CSMD1: variants seen among roughly 807,000 people sequenced by gnomAD.
CSMD1 encodes the protein CUB and sushi domain-containing protein 1.
A neutral mutation model predicts 417.5 loss-of-function variants in CSMD1; 213 were observed. That is an observed-to-expected ratio of 0.51 (90% CI 0.46 to 0.57). The LOEUF is 0.57. Among genes scored for constraint, CSMD1 ranks in the 20% least tolerant of loss-of-function variants. The pLI, the probability that CSMD1 is intolerant of heterozygous loss-of-function variation, is 0.00. For synonymous variants in CSMD1, 2,862 were observed against 1,736.8 expected (o/e 1.65, Z -16.11); for missense variants, 6,923 against 4,529.7 (o/e 1.53, Z -15.17).
intron 5 of CSMD1, among the ~76,000 whole-genome samples, chr8:3,783,064 G>C (rs553986091): frequency 1.2e-4 from 18 of 152,232 alleles, no homozygotes; most frequent in Admixed American, 1.1e-3. Flanking sequence ...ACTGTTGAAA[G>C]CAAGTCCCCA....
chr8:3,774,558 G>A (rs557680694), intron 5 of CSMD1, among the ~76,000 whole-genome samples: 5 of 152,092 alleles, frequency 3.3e-5, no homozygotes, highest in Admixed American at 6.6e-5. Context: ...CTCCTTAGTG[G>A]ACAGAACGTC....
At chr8:3,831,611 T>C (rs1199580299) in intron 5 of CSMD1, among the ~76,000 whole-genome samples, 3 of 152,202 alleles carry the variant, frequency 2.0e-5, no homozygotes, top group African/African-American at 7.2e-5. Context: ...ATATTATAGC[T>C]TTTCATTGCA....
rs894458281 is a variant in CSMD1, at chr8:4,718,492, A to C, written c.86-80934T>G. Among the ~76,000 whole-genome samples, 84 of 152,104 alleles carry C rather than the reference A, an allele frequency of 5.5e-4. 1 individual carries two copies. The highest frequency in any genetic ancestry group is 2.9e-4 in the Non-Finnish European group (20 of 68,012). On this transcript the variant is annotated intron_variant, in intron 1 of 69. Transcript: ENST00000635120. Reference sequence around the variant, plus strand: ...TGAAGACAGGAACTAGAAAAGAATAACTAATATTCCCGCTGTCAATTAATA... The same window carrying C: ...TGAAGACAGGAACTAGAAAAGAATACCTAATATTCCCGCTGTCAATTAATA...
chr8:3,898,417 G>T (rs1455343232), intron 5 of CSMD1, among the ~76,000 whole-genome samples: 1 of 152,200 alleles, frequency 6.6e-6, no homozygotes, highest in Non-Finnish European at 1.5e-5. Flanking sequence ...CCATTATAAA[G>T]TGTTAAAGTT....
chr8:4,150,638 C>A (rs1440447475), intron 3 of CSMD1, among the ~76,000 whole-genome samples: 1 of 152,196 alleles, frequency 6.6e-6, no homozygotes, highest in Non-Finnish European at 1.5e-5. Flanking sequence ...TTCCAATATT[C>A]TTCCAGTTTT....
intron 6 of CSMD1, among the ~76,000 whole-genome samples, chr8:3,746,950 G>C (rs1438884439): frequency 6.6e-6 from 1 of 152,212 alleles, no homozygotes; most frequent in African/African-American, 2.4e-5. Flanking sequence ...GAACAGGCCA[G>C]TCTGAGAAAT....
intron 3 of CSMD1, among the ~76,000 whole-genome samples, chr8:4,143,393 AG>A (rs1803913620): frequency 6.8e-6 from 1 of 145,986 alleles, no homozygotes; most frequent in Non-Finnish European, 1.5e-5. Context: ...TTTTTGCTAC[AG>A]ACTAAGTTAA....
intron 7 of CSMD1, among the ~76,000 whole-genome samples, chr8:3,630,870 G>C (rs79651736): frequency 0.019 from 2,882 of 152,260 alleles, 47 homozygotes; most frequent in South Asian, 0.054. Context: ...ACCTCAGTTG[G>C]TCTGTTGGTT....
intron 4 of CSMD1, among the ~76,000 whole-genome samples, chr8:4,005,391 C>T (rs1254824137): frequency 6.6e-6 from 1 of 152,150 alleles, no homozygotes; most frequent in African/African-American, 2.4e-5. Flanking sequence ...ACACACGTGG[C>T]CGGGTGGTCA....
chr8:4,442,556 A>G (rs991558779), intron 2 of CSMD1, among the ~76,000 whole-genome samples: 2 of 152,262 alleles, frequency 1.3e-5, no homozygotes, highest in African/African-American at 2.4e-5. Flanking sequence ...ATATGCAACT[A>G]AAGAGATTTT....
intron 3 of CSMD1, among the ~76,000 whole-genome samples, chr8:4,101,435 G>A (rs553746110): frequency 6.6e-6 from 1 of 152,148 alleles, no homozygotes; most frequent in Non-Finnish European, 1.5e-5. Flanking sequence ...TGGCTGCACA[G>A]TTACCCTTGT....
intron 2 of CSMD1, among the ~76,000 whole-genome samples, chr8:4,426,452 G>A (rs1042138162): frequency 5.4e-5 from 8 of 147,566 alleles, no homozygotes; most frequent in Non-Finnish European, 1.2e-4. Flanking sequence ...AGCATATATA[G>A]TAAACATACA....
chr8:4,130,907 T>C (rs189667539), intron 3 of CSMD1, among the ~76,000 whole-genome samples: 570 of 151,912 alleles, frequency 3.8e-3, no homozygotes, highest in African/African-American at 0.013. Flanking sequence ...ATGCATTGGA[T>C]GGACGGATTA....
At chr8:4,618,325 G>C (rs944551366) in intron 2 of CSMD1, among the ~76,000 whole-genome samples, 1 of 151,938 alleles carries the variant, frequency 6.6e-6, no homozygotes, top group Admixed American at 6.6e-5. Context: ...AATCCAGGAA[G>C]CCCAGCTTTG....
At chr8:4,824,712 C>A (rs559900513) in intron 1 of CSMD1, among the ~76,000 whole-genome samples, 2 of 152,244 alleles carry the variant, frequency 1.3e-5, no homozygotes, top group Non-Finnish European at 2.9e-5. Flanking sequence ...TAACTGCTGA[C>A]ATCATGGAAT....
At chr8:3,207,148 T>A (rs1189356794) in intron 30 of CSMD1, among the ~76,000 whole-genome samples, 1 of 105,134 alleles carries the variant, frequency 9.5e-6, no homozygotes, top group African/African-American at 3.8e-5. Flanking sequence ...TTTTTTTCAT[T>A]TTCTTTTTTT....
chr8:4,017,099 G>GTTCA (rs1563322399), intron 4 of CSMD1, among the ~76,000 whole-genome samples: 1 of 152,198 alleles, frequency 6.6e-6, no homozygotes, highest in East Asian at 1.9e-4. Context: ...TGACCGCGGT[G>GTTCA]TTCAGCCAGC....
Position 3,985,628 on chromosome 8 carries a change from G to A in CSMD1, c.818+12275C>T, listed in dbSNP as rs140184772. Among the ~76,000 whole-genome samples the A allele has an allele frequency of 3.7e-4, 57 of 152,254 alleles. No homozygotes were observed. In the East Asian group the frequency reaches 0.01, roughly 27 times the overall value. ...TCTAGTACAGGAAGATCCTTGCACG[G>A]CAGAACCGTTGCACTCACAGAAGCT... On this transcript the variant is annotated intron_variant, in intron 5 of 69. Transcript: ENST00000635120.
intron 21 of CSMD1, among the ~76,000 whole-genome samples, chr8:3,355,314 C>A (rs1808708999): frequency 6.6e-6 from 1 of 151,954 alleles, no homozygotes; most frequent in South Asian, 2.1e-4. Flanking sequence ...GTCATAGATG[C>A]AATATTAGGT....
Sources: allele counts gnomAD v4.1 joint callset (sites outside exome capture counted in the v4.1 genomes callset), GRCh38; gene constraint gnomAD v4.1.1; transcripts MANE v1.5; gene names NCBI Gene and HGNC (gene_info 2026-07-23, HGNC 2026-07-21).